RBFOX3: variants seen among roughly 807,000 people sequenced by gnomAD.
RBFOX3 encodes the protein RNA binding fox-1 homolog 3.
A neutral mutation model predicts 48.7 loss-of-function variants in RBFOX3; 17 were observed. That is an observed-to-expected ratio of 0.35 (90% CI 0.24 to 0.52). RBFOX3 has a LOEUF of 0.52. Ranked by LOEUF, RBFOX3 falls within the 20% of genes least tolerant of loss-of-function variation. The probability of loss-of-function intolerance (pLI) is 0.94; values close to 1 mark genes in which losing one functional copy is unlikely to be tolerated. For synonymous variants in RBFOX3, 212 were observed against 209.5 expected, an observed-to-expected ratio of 1.01 and a Z score of -0.10; for missense variants, 382 against 497.5, an observed-to-expected ratio of 0.77 and a Z score of 2.21.
At chr17:79,478,446 C>T (rs1467172603) in intron 2 of RBFOX3, among the ~76,000 whole-genome samples, 6 of 152,316 alleles carry the variant, frequency 3.9e-5, no homozygotes, top group Non-Finnish European at 7.4e-5. Flanking sequence ...ATGGCATGCG[C>T]GGCAGCACCC....
chr17:79,662,225 C>G, the RBFOX3 span, among the ~76,000 whole-genome samples: 1 of 150,042 alleles, frequency 6.7e-6, no homozygotes, highest in Non-Finnish European at 1.5e-5. Context: ...TGGGTTCACA[C>G]CATTCTCCTG....
At chr17:79,661,678 A>G in the RBFOX3 span, among the ~76,000 whole-genome samples, 14 of 152,222 alleles carry the variant, frequency 9.2e-5, no homozygotes, top group Non-Finnish European at 1.9e-4. Flanking sequence ...TCTGCTAAAC[A>G]GTCTTCCAAA....
upstream of RBFOX3, among the ~76,000 whole-genome samples, chr17:79,613,555 AGT>A (rs1327482711): frequency 1.7e-4 from 26 of 152,352 alleles, no homozygotes; most frequent in East Asian, 4.4e-3. Flanking sequence ...AGGACTGGGG[AGT>A]CCTTGGTAAT....
chr17:79,138,838 T>C (rs1226845877), intron 4 of RBFOX3, among the ~76,000 whole-genome samples: 8 of 47,330 alleles, frequency 1.7e-4, no homozygotes, highest in Non-Finnish European at 2.0e-4. Context: ...CCCACACACA[T>C]GCACACAGCA....
At chr17:79,648,799 G>C in the RBFOX3 span, among the ~76,000 whole-genome samples, 3 of 152,090 alleles carry the variant, frequency 2.0e-5, no homozygotes, top group Admixed American at 2.0e-4. Flanking sequence ...CCTGTGGCCA[G>C]TGGGTTGCGG....
At chr17:79,237,849 A>G (rs2061820404) in intron 3 of RBFOX3, among the ~76,000 whole-genome samples, 1 of 152,214 alleles carries the variant, frequency 6.6e-6, no homozygotes, top group Non-Finnish European at 1.5e-5. Context: ...GGCAGGTGTG[A>G]TTGGAAGGCA....
At chr17:79,350,598 T>A (rs1272441695) in intron 2 of RBFOX3, among the ~76,000 whole-genome samples, 2 of 152,196 alleles carry the variant, frequency 1.3e-5, no homozygotes, top group Non-Finnish European at 2.9e-5. Flanking sequence ...GGGGACTTCA[T>A]GGAAGGCAGG....
intron 1 of RBFOX3, among the ~76,000 whole-genome samples, chr17:79,483,270 G>A (rs1180991510): frequency 4.0e-5 from 6 of 151,736 alleles, no homozygotes; most frequent in Admixed American, 2.6e-4. Flanking sequence ...TTTGCCTTTG[G>A]GGCTCTCGGC....
intron 2 of RBFOX3, among the ~76,000 whole-genome samples, chr17:79,408,744 A>C (rs2063885549): frequency 6.6e-6 from 1 of 152,246 alleles, no homozygotes; most frequent in Admixed American, 6.5e-5. Flanking sequence ...TTATAACGCC[A>C]GGTAAAGCTG....
chr17:79,094,382 A>T, intron 14 of RBFOX3, 69 bp downstream of exon 14: 1 of 1,198,846 alleles, frequency 8.3e-7, no homozygotes, highest in Non-Finnish European at 1.1e-6. Flanking sequence ...CCTCTCCCCC[A>T]AGGGCCTCAC....
chr17:79,116,454 G>T (rs779354470), intron 4 of RBFOX3, among the ~76,000 whole-genome samples: 2 of 152,272 alleles, frequency 1.3e-5, no homozygotes, highest in Non-Finnish European at 2.9e-5. Context: ...GGCAGGGGTT[G>T]CAGCGAGCCA....
intron 2 of RBFOX3, among the ~76,000 whole-genome samples, chr17:79,434,027 G>A (rs1021944450): frequency 9.9e-5 from 15 of 152,154 alleles, no homozygotes; most frequent in East Asian, 7.7e-4. Flanking sequence ...GCCTCCTGGC[G>A]CTCAGGAACA....
At chr17:79,393,348 G>A (rs1196176458) in intron 2 of RBFOX3, among the ~76,000 whole-genome samples, 1 of 152,224 alleles carries the variant, frequency 6.6e-6, no homozygotes, top group Non-Finnish European at 1.5e-5. Flanking sequence ...CAGGAGAGTC[G>A]TGGTTACAAT....
intron 3 of RBFOX3, among the ~76,000 whole-genome samples, chr17:79,292,003 T>C (rs1025051396): frequency 6.6e-6 from 1 of 152,164 alleles, no homozygotes; most frequent in Non-Finnish European, 1.5e-5. Context: ...CCTACTTAGA[T>C]GCTGTAGCTT....
chr17:79,566,997 T>C (rs1253612303), intron 1 of RBFOX3, among the ~76,000 whole-genome samples: 1 of 152,146 alleles, frequency 6.6e-6, no homozygotes, highest in Non-Finnish European at 1.5e-5. Context: ...GAAGTCACCC[T>C]GCAACCGAGG....
intron 4 of RBFOX3, chr17:79,135,945 A>G (rs1430585790): frequency 2.6e-5 from 4 of 152,256 alleles, no homozygotes; most frequent in Non-Finnish European, 4.4e-5. Flanking sequence ...GTGGGGTCAC[A>G]GTTCTTGGCA....
At chr17:79,371,083 C>A (rs974541575) in intron 2 of RBFOX3, among the ~76,000 whole-genome samples, 1 of 152,216 alleles carries the variant, frequency 6.6e-6, no homozygotes, top group Non-Finnish European at 1.5e-5. Context: ...CAGGCCAGCA[C>A]GGTGTCCCTC....
Position 79,419,138 on chromosome 17 carries a change from A to T in RBFOX3, c.-175+63316T>A, listed in dbSNP as rs181825007. On this transcript the variant is annotated intron_variant, in intron 2 of 14. Transcript: ENST00000693108. ...TCATTTTTCCCCACGCCCCCTCCTC[A>T]CCTCTGTGGGCTGCCCGGCCATGCC... 1.7e-3 allele frequency among the ~76,000 whole-genome samples: 257 copies of T among 151,736 alleles called. 1 individual carries two copies. Among genetic ancestry groups the T allele is most frequent in the Admixed American group, 6.0e-3 (92 of 15,238 alleles).
At chr17:79,385,512 C>A (rs2060447791) in intron 2 of RBFOX3, among the ~76,000 whole-genome samples, 2 of 152,140 alleles carry the variant, frequency 1.3e-5, no homozygotes, top group Non-Finnish European at 2.9e-5. Context: ...TGTTCCTGGC[C>A]ACAGTGATCA....
Sources: allele counts gnomAD v4.1 joint callset (sites outside exome capture counted in the v4.1 genomes callset), GRCh38; gene constraint gnomAD v4.1.1; transcripts MANE v1.5; gene names NCBI Gene and HGNC (gene_info 2026-07-23, HGNC 2026-07-21).